Variants in FOXP2 observed in about 807,000 individuals in gnomAD.
FOXP2 encodes the protein forkhead box P2.
A neutral mutation model predicts 115.8 loss-of-function variants in FOXP2; 12 were observed. The ratio of observed to expected loss-of-function variants is 0.10; its 90% CI spans 0.07 to 0.17. The LOEUF (loss-of-function observed/expected upper bound fraction) is 0.17. FOXP2 is among the 10% of genes least tolerant of loss of function. The pLI, the probability that FOXP2 is intolerant of heterozygous loss-of-function variation, is 1.00. For synonymous variants in FOXP2, 328 were observed against 297.7 expected, an observed-to-expected ratio of 1.10 and a Z score of -1.05; for missense variants, 629 against 843.5, an observed-to-expected ratio of 0.75 and a Z score of 3.15.
At chr7:114,234,631 A>T (rs1243075418) in intron 1 of FOXP2, among the ~76,000 whole-genome samples, 1 of 152,238 alleles carries the variant, frequency 6.6e-6, no homozygotes, top group Non-Finnish European at 1.5e-5. Context: ...ATGAAAGATG[A>T]AACAGCCAAG....
At chr7:114,180,551 A>G (rs769555142) in intron 1 of FOXP2, among the ~76,000 whole-genome samples, 1 of 151,922 alleles carries the variant, frequency 6.6e-6, no homozygotes, top group Non-Finnish European at 1.5e-5. Flanking sequence ...GTCCCATAAG[A>G]ATTCATCTAA....
At chr7:114,373,498 G>C (rs1792066259) in intron 2 of FOXP2, among the ~76,000 whole-genome samples, 1 of 152,186 alleles carries the variant, frequency 6.6e-6, no homozygotes, top group Non-Finnish European at 1.5e-5. Flanking sequence ...TGCTCTTTCT[G>C]TCATTGCCTC....
At chr7:114,483,389 C>T (rs1796639422) in intron 2 of FOXP2, among the ~76,000 whole-genome samples, 1 of 151,644 alleles carries the variant, frequency 6.6e-6, no homozygotes, top group Middle Eastern at 3.2e-3. Context: ...AAATACCTTG[C>T]TCAAAATCTC....
chr7:114,509,081 C>G (rs1797953593), intron 2 of FOXP2, among the ~76,000 whole-genome samples: 1 of 151,988 alleles, frequency 6.6e-6, no homozygotes, highest in Non-Finnish European at 1.5e-5. Context: ...TGTGCTTTCT[C>G]TATTTGAGGT....
intron 11 of FOXP2, among the ~76,000 whole-genome samples, chr7:114,658,539 A>G (rs1806709449): frequency 6.6e-6 from 1 of 152,164 alleles, no homozygotes; most frequent in Non-Finnish European, 1.5e-5. Flanking sequence ...CAATTCAATG[A>G]GATCCTTTGA....
chr7:114,379,661 C>T (rs1792232510), intron 2 of FOXP2, among the ~76,000 whole-genome samples: 1 of 152,132 alleles, frequency 6.6e-6, no homozygotes, highest in Non-Finnish European at 1.5e-5. Context: ...TTTACAGTTT[C>T]AATTCTGGAA....
At chr7:114,544,964 G>A (rs561612963) in intron 3 of FOXP2, among the ~76,000 whole-genome samples, 99 of 152,224 alleles carry the variant, frequency 6.5e-4, no homozygotes, top group Non-Finnish European at 7.1e-4. Flanking sequence ...AAAATTACTT[G>A]CAAGTCTTAT....
chr7:114,544,026 T>G (rs528664378), intron 3 of FOXP2, among the ~76,000 whole-genome samples: 34 of 152,318 alleles, frequency 2.2e-4, no homozygotes, highest in Non-Finnish European at 2.2e-4. Flanking sequence ...TTCTTCATTT[T>G]CTTTTTCTTA....
Position 114,664,434 on chromosome 7 carries a change from C to T in FOXP2, c.2001C>T (p.His667=), listed in dbSNP as rs781151413. 7 of 1,613,342 alleles carry T rather than the reference C, an allele frequency of 4.3e-6. No homozygotes were observed. In the South Asian group the frequency reaches 6.6e-5, roughly 15 times the overall value. ...GTCCGGGCTGCTCACCTCAGCCGCA[C>T]ATGTAAGTGTGGTTAACAGACTCTC... ...NSSPGCSPQP[H]IHSIHVKEEP... is the part of the protein sequence containing the mutation. The change falls in exon 16 of 17, where the codon CAC becomes CAT. Residue 667 remains histidine, a splice_region_variant and synonymous_variant. Coordinates refer to ENST00000350908, the MANE Select transcript of FOXP2 (RefSeq NM_014491.4).
At chr7:114,588,053 T>C (rs913826202) in intron 3 of FOXP2, among the ~76,000 whole-genome samples, 3 of 151,848 alleles carry the variant, frequency 2.0e-5, no homozygotes, top group African/African-American at 4.8e-5. Context: ...CTCAGGCCTG[T>C]GATCCCAGCA....
At chr7:114,579,392 G>A (rs189909668) in intron 3 of FOXP2, among the ~76,000 whole-genome samples, 1 of 152,212 alleles carries the variant, frequency 6.6e-6, no homozygotes, top group African/African-American at 2.4e-5. Flanking sequence ...ATTCTTTCGA[G>A]AAATTGTGAT....
At chr7:114,448,444 A>G (rs1033193720) in intron 2 of FOXP2, among the ~76,000 whole-genome samples, 1 of 152,126 alleles carries the variant, frequency 6.6e-6, no homozygotes, top group Non-Finnish European at 1.5e-5. Flanking sequence ...AAGTGTCACC[A>G]TAATATAGTA....
intron 1 of FOXP2, among the ~76,000 whole-genome samples, chr7:114,214,823 A>G (rs1794448089): frequency 6.6e-6 from 1 of 152,086 alleles, no homozygotes; most frequent in Non-Finnish European, 1.5e-5. Flanking sequence ...GAGCAAAACA[A>G]CTCTCACATC....
chr7:114,587,983 G>A (rs1410733229), intron 3 of FOXP2, among the ~76,000 whole-genome samples: 3 of 149,564 alleles, frequency 2.0e-5, no homozygotes, highest in South Asian at 2.1e-4. Flanking sequence ...TAACCACCTA[G>A]TCTCAGCCCT....
rs915490507 is a variant in FOXP2 at position 114,312,971 on chromosome 7, G to A, written c.-11+24862G>A. Among the ~76,000 whole-genome samples the A allele has an allele frequency of 3.3e-5, 5 of 152,128 alleles. No homozygotes were observed. In the South Asian group the frequency reaches 8.3e-4, roughly 25 times the overall value. ...GAGACCCATGGAGAACCCATCAAAA[G>A]GTCTTTATAGAGTTGCACTTCCTGC... On this transcript the variant is annotated intron_variant, in intron 2 of 17. Transcript: ENST00000634411.
In FOXP2 at chr7:114,354,968, T is replaced by C. The variant is rs147006929; in HGVS notation, c.-11+66859T>C. Among the ~76,000 whole-genome samples, 398 of 152,310 alleles carry C rather than the reference T, an allele frequency of 2.6e-3. 2 individuals are homozygous for C. Among genetic ancestry groups the C allele is most frequent in the African/African-American group, 9.3e-3 (385 of 41,576 alleles). ...GCTATTGCTTTTTCTGTCACTGTTT[T>C]CAATACTGAATTCTCTTTGAAGACA... On this transcript the variant is annotated intron_variant, in intron 2 of 17. Transcript: ENST00000634411.
At chr7:114,193,891 G>A (rs1204546484) in intron 1 of FOXP2, among the ~76,000 whole-genome samples, 1 of 152,110 alleles carries the variant, frequency 6.6e-6, no homozygotes, top group Non-Finnish European at 1.5e-5. Context: ...GACATCAAAA[G>A]TAAGGCAAGT....
At position 114,333,491 on chromosome 7, in the gene FOXP2, G is replaced by A. The variant is rs149195336; in HGVS notation, c.-11+45382G>A. On this transcript the variant is annotated intron_variant, in intron 2 of 17. Transcript: ENST00000634411. Reference sequence around the variant, plus strand: ...ATGAGGCCAAGTGTGGGTGGCTCACGCCTGTAATCCCAGCACATCGGAAGG... The same window carrying A: ...ATGAGGCCAAGTGTGGGTGGCTCACACCTGTAATCCCAGCACATCGGAAGG... Among the ~76,000 whole-genome samples, 975 of 152,258 alleles carry A rather than the reference G, an allele frequency of 6.4e-3. 7 individuals are homozygous for A. The highest frequency in any genetic ancestry group is 0.023 in the African/African-American group (941 of 41,544).
intron 3 of FOXP2, among the ~76,000 whole-genome samples, chr7:114,570,237 G>T (rs962519365): frequency 5.3e-5 from 8 of 151,816 alleles, no homozygotes; most frequent in African/African-American, 1.9e-4. Context: ...AGATATTATG[G>T]AGGTTGGTTG....
Sources: gnomAD v4.1 joint callset for allele counts (sites outside exome capture counted in the v4.1 genomes callset) on GRCh38, gnomAD v4.1.1 for gene constraint, MANE v1.5 for transcripts, NCBI Gene and HGNC (gene_info 2026-07-23, HGNC 2026-07-21) for gene names.